CSMD3: variants seen among roughly 807,000 people sequenced by gnomAD.
CSMD3 encodes CUB and Sushi multiple domains 3, also known as CUB and sushi domain-containing protein 3.
In CSMD3, 177 loss-of-function variants were observed where a neutral mutation model predicts 435.2. The observed-to-expected ratio is 0.41, with a 90% CI of 0.36 to 0.46. CSMD3 has a LOEUF of 0.46. CSMD3 is among the 20% of genes least tolerant of loss of function. The pLI is 0.34. For missense variants in CSMD3, 4,265 were observed against 4,504.6 expected (o/e 0.95, Z 1.52); for synonymous variants, 1,656 against 1,520.5 (o/e 1.09, Z -2.07).
chr8:112,409,077 C>A (rs1832106289), intron 32 of CSMD3, 45 bp from the exon 33 acceptor site: 1 of 1,611,022 alleles, frequency 6.2e-7, no homozygotes, highest in Non-Finnish European at 8.5e-7. Context: ...ACCAACCATC[C>A]AAAAACGAAA....
chr8:112,985,342 G>A (rs969283141), intron 6 of CSMD3, among the ~76,000 whole-genome samples: 2 of 151,940 alleles, frequency 1.3e-5, no homozygotes, highest in Non-Finnish European at 2.9e-5. Flanking sequence ...CAAATTATTT[G>A]GCATGGCAGG....
At chr8:112,821,580 T>A (rs1255849826) in intron 12 of CSMD3, among the ~76,000 whole-genome samples, 3 of 152,206 alleles carry the variant, frequency 2.0e-5, no homozygotes, top group Non-Finnish European at 4.4e-5. Flanking sequence ...ATTGTAAACT[T>A]TTTTCCCATT....
chr8:113,372,653 G>A (rs555356075), intron 1 of CSMD3, among the ~76,000 whole-genome samples: 1 of 152,206 alleles, frequency 6.6e-6, no homozygotes, highest in Non-Finnish European at 1.5e-5. Flanking sequence ...ACACATTTAG[G>A]CCGGGCGCGG....
At chr8:112,469,224 C>A (rs1347286040) in intron 32 of CSMD3, among the ~76,000 whole-genome samples, 2 of 146,942 alleles carry the variant, frequency 1.4e-5, no homozygotes, top group East Asian at 4.1e-4. Flanking sequence ...ACAAGTAGTT[C>A]ATGTGGAATT....
intron 28 of CSMD3, among the ~76,000 whole-genome samples, chr8:112,514,188 T>C (rs1489704228): frequency 6.6e-6 from 1 of 152,150 alleles, no homozygotes; most frequent in Non-Finnish European, 1.5e-5. Context: ...TCTATTTAAA[T>C]TATTTATCAA....
rs1478832037 is a variant in CSMD3, at chr8:112,223,649, G to A, written c.*1122C>T. On this transcript the variant is annotated 3_prime_UTR_variant, in exon 71 of 71. Coordinates refer to ENST00000297405, the MANE Select transcript of CSMD3 (RefSeq NM_198123.2). Reference sequence around the variant, plus strand: ...AAAATATGATAAGTCCACAATTGTAGGCAATAAATTTATATTGGTGATTTA... The same window carrying A: ...AAAATATGATAAGTCCACAATTGTAAGCAATAAATTTATATTGGTGATTTA... 6.6e-6 allele frequency: 1 copy of A among 152,008 alleles called. No homozygotes were observed. The highest frequency in any genetic ancestry group is 1.5e-5 in the Non-Finnish European group (1 of 67,982). The allele number at this position is 152,008 out of a possible 1,614,324, so 9.4% of individuals were successfully genotyped here.
Position 112,947,867 on chromosome 8 carries a change from T to C in CSMD3, c.1431A>G (p.Gly477=). ...NSNKFSILNE[G]GIKTASNLCP... ...ATAAATTGGAAGCTGTTTTAATACC[T>C]CCCTCATTTACTGCAACAGCAGGGA... The change falls in exon 9 of 71, where the codon GGA becomes GGG. Residue 477 remains glycine (G), a synonymous_variant. Transcript: ENST00000297405. 1 of 1,462,450 alleles carries C rather than the reference T, an allele frequency of 6.8e-7. No homozygotes were observed. The highest frequency in any genetic ancestry group is 1.2e-5 in the South Asian group (1 of 86,696). The allele number at this position is 1,462,450 out of a possible 1,614,324, so 90.6% of individuals were successfully genotyped here.
chr8:112,454,340 G>GA (rs1411071056), intron 32 of CSMD3, among the ~76,000 whole-genome samples: 2 of 151,926 alleles, frequency 1.3e-5, no homozygotes, highest in African/African-American at 4.8e-5. Context: ...TAAAGAATGG[G>GA]AAAAAATATT....
chr8:112,602,440 C>A (rs1202395407), intron 22 of CSMD3, among the ~76,000 whole-genome samples: 2 of 151,780 alleles, frequency 1.3e-5, no homozygotes, highest in Non-Finnish European at 2.9e-5. Flanking sequence ...GTGGCGGGTG[C>A]CTGTAATCCC....
chr8:112,331,790 C>A (rs1459780728), intron 45 of CSMD3, among the ~76,000 whole-genome samples: 1 of 151,938 alleles, frequency 6.6e-6, no homozygotes, highest in Non-Finnish European at 1.5e-5. Flanking sequence ...GTAAACCATT[C>A]AAAGATTAGG....
intron 32 of CSMD3, among the ~76,000 whole-genome samples, chr8:112,457,283 T>C (rs769425117): frequency 6.6e-6 from 1 of 152,012 alleles, no homozygotes; most frequent in Non-Finnish European, 1.5e-5. Context: ...ACCAACACCC[T>C]AGATAGAAGT....
rs528808407 is a variant in CSMD3 at position 112,491,911 on chromosome 8, C to T, written c.5278+578G>A. 2.6e-5 allele frequency among the ~76,000 whole-genome samples: 4 copies of T among 152,040 alleles called. No homozygotes were observed. The East Asian group carries it at 7.8e-4, about 29-fold the overall frequency. ...ATGGATTAGGGAGTCTCTAGTAACCCTAAGCAATGATATCACTGTTTCTCT... is the reference window on the plus strand; with the variant it reads ...ATGGATTAGGGAGTCTCTAGTAACCTTAAGCAATGATATCACTGTTTCTCT... On this transcript the variant is annotated intron_variant, in intron 31 of 70. Transcript: ENST00000297405.
At chr8:112,308,427 A>G (rs188264436) in intron 50 of CSMD3, among the ~76,000 whole-genome samples, 1 of 152,256 alleles carries the variant, frequency 6.6e-6, no homozygotes, top group African/African-American at 2.4e-5. Flanking sequence ...AGAACTAAAA[A>G]GAGACAACGT....
chr8:113,322,976 C>T (rs567171936), intron 1 of CSMD3, among the ~76,000 whole-genome samples: 1 of 152,078 alleles, frequency 6.6e-6, no homozygotes, highest in Non-Finnish European at 1.5e-5. Context: ...AAACTCCTGA[C>T]CTCAAGTGTT....
At chr8:113,331,564 T>C (rs1317628247) in intron 1 of CSMD3, among the ~76,000 whole-genome samples, 1 of 151,276 alleles carries the variant, frequency 6.6e-6, no homozygotes, top group African/African-American at 2.4e-5. Flanking sequence ...TTCAGCAAAA[T>C]AAAAAAATAA....
intron 10 of CSMD3, among the ~76,000 whole-genome samples, chr8:112,870,628 A>G (rs1486156809): frequency 1.3e-5 from 2 of 152,128 alleles, no homozygotes; most frequent in Non-Finnish European, 2.9e-5. Flanking sequence ...ATTTCACCAA[A>G]CAAAATGACT....
chr8:112,223,028 CAA>C lies in CSMD3; in HGVS notation c.*1741_*1742del, dbSNP rs1812290487. 1 of 398,080 alleles carries C rather than the reference CAA, an allele frequency of 2.5e-6. No homozygotes were observed. The highest frequency in any genetic ancestry group is 1.3e-4 in the South Asian group (1 of 7,844). 24.7% of individuals were successfully genotyped at this position (398,080 alleles called of 1,614,324 possible). On this transcript the variant is annotated 3_prime_UTR_variant, in exon 71 of 71. Transcript: ENST00000297405. ...CTTTTCATAAAAATATACTTCTTTACAAAAGTGTATGCATTAATATAAGAGGA... is the reference window on the plus strand; with the variant it reads ...CTTTTCATAAAAATATACTTCTTTACAAGTGTATGCATTAATATAAGAGGA...
At chr8:112,750,071 C>A (rs557361758) in intron 13 of CSMD3, among the ~76,000 whole-genome samples, 2 of 152,058 alleles carry the variant, frequency 1.3e-5, no homozygotes, top group Non-Finnish European at 2.9e-5. Context: ...TAAAAACGAG[C>A]CTTCTGCAAG....
intron 13 of CSMD3, 72 bp downstream of exon 13, chr8:112,800,090 A>G: frequency 1.9e-6 from 2 of 1,043,130 alleles, no homozygotes; most frequent in Non-Finnish European, 3.0e-6. Flanking sequence ...TGTAGATGCA[A>G]TTAAACGTGA....
Sources: gnomAD v4.1 joint callset for allele counts (sites outside exome capture counted in the v4.1 genomes callset) on GRCh38, gnomAD v4.1.1 for gene constraint, MANE v1.5 for transcripts, NCBI Gene and HGNC (gene_info 2026-07-23, HGNC 2026-07-21) for gene names.